FBN1: variants seen among roughly 807,000 people sequenced by gnomAD.
FBN1 encodes the protein fibrillin-1.
FBN1 carries 29 observed loss-of-function variants against 365.1 expected under a neutral mutation model. The ratio of observed to expected loss-of-function variants is 0.08; its 90% CI spans 0.06 to 0.11. The LOEUF (loss-of-function observed/expected upper bound fraction) is 0.11, where lower values mean the gene tolerates loss of function less well. FBN1 is among the 10% of genes least tolerant of loss of function. The pLI is 1.00. For synonymous variants in FBN1, 1,210 were observed against 1,270.5 expected, an observed-to-expected ratio of 0.95 and a Z score of 1.01; for missense variants, 2,476 against 3,703.2, an observed-to-expected ratio of 0.67 and a Z score of 8.60.
At chr15:48,644,377 G>A (rs953718164) in intron 2 of FBN1, 6 of 636,176 alleles carry the variant, frequency 9.4e-6, no homozygotes, top group Non-Finnish European at 1.7e-5. Context: ...CTCAACAATG[G>A]CCCAAGATTC....
chr15:48,427,242 T>C (rs1340451525), intron 58 of FBN1, among the ~76,000 whole-genome samples: 1 of 152,270 alleles, frequency 6.6e-6, no homozygotes, highest in African/African-American at 2.4e-5. Flanking sequence ...CATTTAATAA[T>C]CATTTATTTC....
chr15:48,641,908 T>C (rs1311730554), intron 2 of FBN1: 1 of 152,234 alleles, frequency 6.6e-6, no homozygotes, highest in African/African-American at 2.4e-5. Flanking sequence ...GAATTGGGGT[T>C]TGCTTAAAAT....
intron 4 of FBN1, among the ~76,000 whole-genome samples, chr15:48,601,483 C>T (rs537581375): frequency 1.8e-4 from 28 of 152,196 alleles, no homozygotes; most frequent in South Asian, 1.0e-3. Flanking sequence ...GAAGAAGGTT[C>T]GATAATTTTA....
At chr15:48,510,536 A>C (rs1020861615) in intron 13 of FBN1, among the ~76,000 whole-genome samples, 9 of 152,244 alleles carry the variant, frequency 5.9e-5, no homozygotes, top group South Asian at 2.1e-4. Flanking sequence ...TAATTTTAAA[A>C]GACATATTTT....
chr15:48,487,523 G>A (rs2043519677), intron 27 of FBN1, 86 bp from the exon 28 acceptor site: 2 of 1,573,318 alleles, frequency 1.3e-6, no homozygotes, highest in Admixed American at 3.3e-5. Flanking sequence ...ATTGCTGGGT[G>A]TCCATCTTGA....
In FBN1 at chr15:48,600,187, C is replaced by T. The variant is rs542798262; in HGVS notation, c.394G>A (p.Asp132Asn). 14 of 1,613,766 alleles carry T rather than the reference C, an allele frequency of 8.7e-6. No homozygotes were observed. The highest frequency in any genetic ancestry group is 8.0e-5 in the African/African-American group (6 of 74,868). ...TATCCTTTCTGGCATAGACAGTGAT[C>T]GTCACTGCAGCTACCTCCATTCATA... Reference protein sequence around the residue: ...RCMNGGSCSDDHCLCQKGYIG... With the variant: ...RCMNGGSCSDNHCLCQKGYIG... The change falls in exon 5 of 66, where the codon GAT becomes AAT. Residue 132 changes from aspartate (D) to asparagine (N), a missense_variant. By Grantham distance (23) the Asp-to-Asn change is conservative. Transcript: ENST00000316623.
At chr15:48,429,249 G>C (rs1425483834) in intron 56 of FBN1, among the ~76,000 whole-genome samples, 1 of 152,134 alleles carries the variant, frequency 6.6e-6, no homozygotes, top group Non-Finnish European at 1.5e-5. Flanking sequence ...AATAATATCT[G>C]TAATGGTCAA....
At chr15:48,524,472 G>A (rs2043890963) in intron 9 of FBN1, among the ~76,000 whole-genome samples, 1 of 152,182 alleles carries the variant, frequency 6.6e-6, no homozygotes, top group South Asian at 2.1e-4. Context: ...AATTTTGGGG[G>A]TCTCTGTTGC....
At chr15:48,504,887 C>T in intron 16 of FBN1, 138 bp downstream of exon 16, 4 of 1,126,138 alleles carry the variant, frequency 3.6e-6, no homozygotes, top group Non-Finnish European at 5.3e-6. Flanking sequence ...AAAAAGAGAA[C>T]TGACCCTGTT....
intron 50 of FBN1, among the ~76,000 whole-genome samples, chr15:48,439,820 C>T (rs185034422): frequency 5.5e-4 from 84 of 152,238 alleles, no homozygotes; most frequent in Non-Finnish European, 1.1e-3. Flanking sequence ...GTCTAAGTGG[C>T]AAATTCTCTT....
chr15:48,489,842 AC>A lies in FBN1; in HGVS notation c.3082+8del, dbSNP rs193922196. 6.1e-4 allele frequency: 983 copies of A among 1,612,022 alleles called. 4 individuals carry two copies. In the African/African-American group the frequency reaches 0.012, roughly 19 times the overall value. ...GAGGCAATTGGCCATGGAAAACGTA[AC>A]ATTGTACCTTTGAAGAAAGGCTTTC... On this transcript the variant is annotated splice_region_variant and intron_variant, in intron 25 of 65. Transcript: ENST00000316623.
intron 6 of FBN1, 25 bp downstream of exon 6, chr15:48,596,258 C>G (rs61323481): frequency 4.4e-6 from 7 of 1,600,302 alleles, no homozygotes; most frequent in South Asian, 1.1e-5. Flanking sequence ...CATGTCTTTA[C>G]GTAAATGATT....
chr15:48,419,607 C>T (rs1028079843), intron 63 of FBN1, among the ~76,000 whole-genome samples: 1 of 152,310 alleles, frequency 6.6e-6, no homozygotes, highest in East Asian at 1.9e-4. Context: ...GGGGTCACTT[C>T]AGTCAACCCT....
chr15:48,492,448 G>T lies in FBN1; in HGVS notation c.2854+13C>A. The T allele has an allele frequency of 6.2e-7, 1 of 1,610,960 alleles. No homozygotes were observed. Among genetic ancestry groups the T allele is most frequent in the East Asian group, 2.2e-5 (1 of 44,844 alleles). ...TAAATTATTATTAGAAAAATAATGA[G>T]CTCAGTATTTACCAAGACAGATCCT... On this transcript the variant is annotated intron_variant, in intron 24 of 65. Coordinates refer to ENST00000316623, the MANE Select transcript of FBN1 (RefSeq NM_000138.5).
At chr15:48,464,666 A>G (rs1198237175) in intron 40 of FBN1, among the ~76,000 whole-genome samples, 2 of 152,222 alleles carry the variant, frequency 1.3e-5, no homozygotes, top group Non-Finnish European at 2.9e-5. Flanking sequence ...AGAAATTAAA[A>G]TATCAAATAT....
intron 3 of FBN1, 62 bp downstream of exon 3, chr15:48,612,948 C>T: frequency 8.3e-7 from 1 of 1,208,050 alleles, no homozygotes; most frequent in Admixed American, 1.7e-5. Flanking sequence ...TTCTAAGGCT[C>T]CCCATGCAAC....
Position 48,415,533 on chromosome 15 carries a change from T to C in FBN1, c.8051+3A>G. The C allele has an allele frequency of 6.2e-7, 1 of 1,607,594 alleles. No individual in the cohort carries two copies. The highest frequency in any genetic ancestry group is 8.5e-7 in the Non-Finnish European group (1 of 1,173,986). ...AACCATGACCAGGAAGAGCACTGCT[T>C]ACCCTTGGCCTATGCGGAAGTAACC... is the stretch of plus-strand genomic sequence containing the variant. On this transcript the variant is annotated splice_donor_region_variant and intron_variant, in intron 64 of 65. Transcript: ENST00000316623.
chr15:48,469,067 CAA>C (rs56789154), intron 36 of FBN1, among the ~76,000 whole-genome samples: 13,758 of 90,506 alleles, frequency 0.15, 863 homozygotes, highest in Non-Finnish European at 0.17. Context: ...GACTCCGTCT[CAA>C]AAAAAAAAAA....
intron 6 of FBN1, among the ~76,000 whole-genome samples, chr15:48,551,043 T>C (rs2044137778): frequency 1.3e-5 from 2 of 152,224 alleles, no homozygotes; most frequent in Non-Finnish European, 2.9e-5. Flanking sequence ...CTTAATCTTT[T>C]GAACTATTCA....
Sources: allele counts gnomAD v4.1 joint callset (sites outside exome capture counted in the v4.1 genomes callset), GRCh38; gene constraint gnomAD v4.1.1; transcripts MANE v1.5; gene names NCBI Gene and HGNC (gene_info 2026-07-23, HGNC 2026-07-21).